RGL1: variants seen among roughly 807,000 people sequenced by gnomAD.
RGL1 encodes ral guanine nucleotide dissociation stimulator like 1, also known as ral guanine nucleotide dissociation stimulator-like 1.
In RGL1, 24 loss-of-function variants were observed where a neutral mutation model predicts 95.2. That is an observed-to-expected ratio of 0.25 (90% CI 0.18 to 0.35). The LOEUF (loss-of-function observed/expected upper bound fraction) is 0.35. Among genes scored for constraint, RGL1 ranks in the 10% least tolerant of loss-of-function variants. The probability of loss-of-function intolerance (pLI) is 1.00; values close to 1 mark genes in which losing one functional copy is unlikely to be tolerated. For missense variants in RGL1, 715 were observed against 936.3 expected, an observed-to-expected ratio of 0.76 and a Z score of 3.08; for synonymous variants, 329 against 344.9, an observed-to-expected ratio of 0.95 and a Z score of 0.51.
At chr1:183,860,800 G>A (rs1420275926) in intron 3 of RGL1, among the ~76,000 whole-genome samples, 3 of 152,170 alleles carry the variant, frequency 2.0e-5, no homozygotes, top group Admixed American at 2.0e-4. Context: ...TGAAAACAGA[G>A]ACTTTGGTTT....
intron 1 of RGL1, among the ~76,000 whole-genome samples, chr1:183,678,818 T>G (rs551156381): frequency 2.0e-5 from 3 of 152,314 alleles, no homozygotes; most frequent in Admixed American, 2.0e-4. Context: ...CACTGACTGG[T>G]TACCTGCATG....
At chr1:183,864,419 A>G (rs1395018309) in intron 3 of RGL1, among the ~76,000 whole-genome samples, 1 of 152,228 alleles carries the variant, frequency 6.6e-6, no homozygotes, top group Non-Finnish European at 1.5e-5. Context: ...CTGGCTTTCC[A>G]AGATCCCACT....
chr1:183,878,231 C>G (rs971085426), intron 4 of RGL1, among the ~76,000 whole-genome samples: 3 of 151,826 alleles, frequency 2.0e-5, no homozygotes, highest in African/African-American at 4.8e-5. Context: ...GGGTCTCGCT[C>G]TGTTACCCAG....
chr1:183,672,609 C>T (rs1211371290), intron 1 of RGL1, among the ~76,000 whole-genome samples: 2 of 152,296 alleles, frequency 1.3e-5, no homozygotes, highest in East Asian at 1.9e-4. Context: ...ATTTAACCTA[C>T]TTAAGGGGTT....
Position 183,880,622 on chromosome 1 carries a change from C to G in RGL1, c.432C>G (p.Ile144Met), listed in dbSNP as rs148403741. ...CTCCATTTGTCTTTCTCAGTGCAAT[C>G]GCTTCCATACTAAGGGCCTGGCTTG... ...SESKMVIRNA[I>M]ASILRAWLDQ... The change falls in exon 5 of 18, where the codon ATC (isoleucine) becomes ATG (methionine). Residue 144 changes from isoleucine to methionine, a missense_variant. By Grantham distance (10) the Ile-to-Met change is conservative (BLOSUM62 1). Around this residue, in one of 3 missense-constraint regions of RGL1, gnomAD observed 381 missense variants for 484.8 expected, o/e 0.79. Coordinates refer to ENST00000360851, the MANE Select transcript of RGL1 (RefSeq NM_001297671.3). 1 of 1,613,508 alleles carries G rather than the reference C, an allele frequency of 6.2e-7. No individual in the cohort carries two copies. The highest frequency in any genetic ancestry group is 1.3e-5 in the African/African-American group (1 of 75,000).
intron 2 of RGL1, among the ~76,000 whole-genome samples, chr1:183,745,413 A>T (rs1490990510): frequency 4.6e-5 from 7 of 152,210 alleles, no homozygotes; most frequent in African/African-American, 1.4e-4. Context: ...TGACCTCATG[A>T]TGATAAAGAT....
chr1:183,919,857 G>C (rs566394406), intron 16 of RGL1, among the ~76,000 whole-genome samples: 2 of 152,176 alleles, frequency 1.3e-5, no homozygotes, highest in African/African-American at 4.8e-5. Flanking sequence ...CACTGGCCAC[G>C]GGTGGCGATG....
At chr1:183,772,428 C>T (rs1012852600) in intron 2 of RGL1, among the ~76,000 whole-genome samples, 2 of 152,158 alleles carry the variant, frequency 1.3e-5, no homozygotes, top group African/African-American at 4.8e-5. Context: ...TCCTATTTCA[C>T]TTTAAGCGGG....
chr1:183,816,128 C>A (rs915485582), intron 2 of RGL1, among the ~76,000 whole-genome samples: 4 of 152,208 alleles, frequency 2.6e-5, no homozygotes, highest in African/African-American at 9.7e-5. Flanking sequence ...TGAAAGACTG[C>A]ATTATTCCTC....
rs1174678 is a variant in RGL1, at chr1:183,675,479, T to C, written c.-33+38978T>C. On this transcript the variant is annotated intron_variant, in intron 1 of 18. Transcript: ENST00000304685. ...AAAATGGACATTGTTGAAGAAAAAG[T>C]GTTATCACTATTACAAAAATATGAT... Among the ~76,000 whole-genome samples the C allele has an allele frequency of 9.9e-3, 1,507 of 151,560 alleles. 24 individuals are homozygous for C. Among genetic ancestry groups the C allele is most frequent in the African/African-American group, 0.035 (1,435 of 41,306 alleles).
chr1:183,806,835 C>A (rs1231818154), intron 2 of RGL1, among the ~76,000 whole-genome samples: 3 of 152,138 alleles, frequency 2.0e-5, no homozygotes. Flanking sequence ...CCAGAAGCCA[C>A]CCTTGTCTCT....
At chr1:183,752,833 A>G (rs1473395832) in intron 2 of RGL1, among the ~76,000 whole-genome samples, 1 of 151,930 alleles carries the variant, frequency 6.6e-6, no homozygotes, top group Non-Finnish European at 1.5e-5. Flanking sequence ...TCTGCCTTCC[A>G]TTGCACTGGA....
intron 2 of RGL1, among the ~76,000 whole-genome samples, chr1:183,774,698 C>T (rs1659499355): frequency 6.6e-6 from 1 of 151,550 alleles, no homozygotes; most frequent in Non-Finnish European, 1.5e-5. Context: ...GCTTCAGCCT[C>T]CCGAGTAGCT....
chr1:183,818,405 A>G (rs1285546391), intron 2 of RGL1, among the ~76,000 whole-genome samples: 1 of 152,182 alleles, frequency 6.6e-6, no homozygotes, highest in Non-Finnish European at 1.5e-5. Flanking sequence ...ATGGCATTGC[A>G]TTTACCTGCC....
chr1:183,686,714 T>C (rs531695578), intron 1 of RGL1, among the ~76,000 whole-genome samples: 3 of 152,346 alleles, frequency 2.0e-5, no homozygotes, highest in South Asian at 4.1e-4. Context: ...AGGTGAATTC[T>C]TCTGGTCCCA....
chr1:183,923,384 T>C (rs912159466), intron 17 of RGL1, among the ~76,000 whole-genome samples: 1 of 152,242 alleles, frequency 6.6e-6, no homozygotes, highest in African/African-American at 2.4e-5. Flanking sequence ...AGATTTCTCA[T>C]TCATTCAGCT....
chr1:183,888,398 C>G, intron 7 of RGL1, 76 bp from the exon 8 acceptor site: 1 of 894,322 alleles, frequency 1.1e-6, no homozygotes, highest in Non-Finnish European at 1.9e-6. Context: ...TGTGATACCT[C>G]TAAAACAGGA....
At chr1:183,770,975 G>A (rs1659244657) in intron 2 of RGL1, among the ~76,000 whole-genome samples, 1 of 152,174 alleles carries the variant, frequency 6.6e-6, no homozygotes, top group African/African-American at 2.4e-5. Context: ...GTACCATACT[G>A]CAGTAAGCAT....
rs1669187134 is a variant in RGL1, at chr1:183,919,440, C to T, written c.2004+2739C>T. ...TGCAATACCTATGCAAATGTCAACA[C>T]AAAGAAAAGACAAACAGCATCTTAG... is the stretch of plus-strand genomic sequence containing the variant. On this transcript the variant is annotated intron_variant, in intron 16 of 17. Transcript: ENST00000360851. Among the ~76,000 whole-genome samples, 4 of 152,262 alleles carry T rather than the reference C, an allele frequency of 2.6e-5. No individual in the cohort carries two copies. The South Asian group carries it at 8.3e-4, about 32-fold the overall frequency.
Sources: allele counts gnomAD v4.1 joint callset (sites outside exome capture counted in the v4.1 genomes callset), GRCh38; gene constraint gnomAD v4.1.1; regional missense constraint gnomAD v4.1.1; transcripts MANE v1.5; gene names NCBI Gene and HGNC (gene_info 2026-07-23, HGNC 2026-07-21).